Variants in FRMD4A observed in about 807,000 individuals in gnomAD.
The protein encoded by FRMD4A is FERM domain-containing protein 4A.
In FRMD4A, 29 loss-of-function variants were observed where a neutral mutation model predicts 129.1. The ratio of observed to expected loss-of-function variants is 0.22; its 90% CI spans 0.17 to 0.31. The LOEUF (loss-of-function observed/expected upper bound fraction) is 0.31, where lower values mean the gene tolerates loss of function less well. Ranked by LOEUF, FRMD4A falls within the 10% of genes least tolerant of loss-of-function variation. FRMD4A has a pLI of 1.00. For synonymous variants in FRMD4A, 634 were observed against 571.6 expected, an observed-to-expected ratio of 1.11 and a Z score of -1.56; for missense variants, 1,272 against 1,375.8, an observed-to-expected ratio of 0.92 and a Z score of 1.19.
intron 3 of FRMD4A, among the ~76,000 whole-genome samples, chr10:13,842,117 C>G (rs758201945): frequency 5.3e-5 from 8 of 152,138 alleles, no homozygotes; most frequent in Non-Finnish European, 1.0e-4. Flanking sequence ...CTGAATGATT[C>G]CAAACACTTG....
chr10:13,902,785 A>G (rs2094835781), intron 2 of FRMD4A, among the ~76,000 whole-genome samples: 1 of 150,160 alleles, frequency 6.7e-6, no homozygotes, highest in African/African-American at 2.5e-5. Flanking sequence ...GATTGCAGTG[A>G]GCCAAGATCA....
intron 2 of FRMD4A, among the ~76,000 whole-genome samples, chr10:14,254,320 T>A (rs1465379898): frequency 6.6e-6 from 1 of 152,246 alleles, no homozygotes; most frequent in Non-Finnish European, 1.5e-5. Context: ...GGATGATATG[T>A]CAGGTTCTCT....
intron 2 of FRMD4A, among the ~76,000 whole-genome samples, chr10:14,275,869 T>C (rs937095623): frequency 1.3e-5 from 2 of 152,068 alleles, no homozygotes; most frequent in East Asian, 1.9e-4. Context: ...CAAGACCCCA[T>C]CTCTACAAAA....
At chr10:14,000,922 A>G (rs2095640660) in intron 2 of FRMD4A, among the ~76,000 whole-genome samples, 1 of 152,202 alleles carries the variant, frequency 6.6e-6, no homozygotes, top group South Asian at 2.1e-4. Flanking sequence ...TGTGCTGGAC[A>G]CTGCATAGGA....
chr10:14,051,790 C>G (rs7913916), intron 2 of FRMD4A, among the ~76,000 whole-genome samples: 7,594 of 152,218 alleles, frequency 0.05, 312 homozygotes, highest in East Asian at 0.13. Context: ...AGCGTCTCTT[C>G]AGGAAAGGGC....
intron 8 of FRMD4A, among the ~76,000 whole-genome samples, chr10:13,750,087 A>C: frequency 1.0e-5 from 1 of 96,374 alleles, no homozygotes; most frequent in African/African-American, 3.7e-5. Flanking sequence ...AAAGAAAGAA[A>C]GAAAGAAAGA....
At chr10:13,884,239 C>CACAT (rs2094592625) in intron 2 of FRMD4A, among the ~76,000 whole-genome samples, 3 of 149,232 alleles carry the variant, frequency 2.0e-5, no homozygotes, top group Non-Finnish European at 3.0e-5. Context: ...CACACACACA[C>CACAT]ACTCCCTAAA....
intron 4 of FRMD4A, among the ~76,000 whole-genome samples, chr10:13,799,033 C>T (rs565430462): frequency 3.3e-5 from 5 of 152,182 alleles, no homozygotes; most frequent in South Asian, 2.1e-4. Flanking sequence ...CACCACACAC[C>T]GGGTGGGATG....
intron 12 of FRMD4A, among the ~76,000 whole-genome samples, chr10:13,708,236 T>G (rs928916830): frequency 2.0e-5 from 3 of 152,188 alleles, no homozygotes; most frequent in African/African-American, 7.2e-5. Flanking sequence ...GACCTCAGGC[T>G]CCTGACCCTC....
At chr10:14,322,485 G>A (rs1843100511) in intron 2 of FRMD4A, among the ~76,000 whole-genome samples, 1 of 152,234 alleles carries the variant, frequency 6.6e-6, no homozygotes, top group South Asian at 2.1e-4. Flanking sequence ...CAAGGCCTGA[G>A]TGAAAGACAT....
At chr10:13,670,589 T>C in intron 16 of FRMD4A, 61 bp from the exon 17 acceptor site, 1 of 1,576,162 alleles carries the variant, frequency 6.3e-7, no homozygotes, top group Admixed American at 1.7e-5. Context: ...GTCTGCTTCC[T>C]AGAACACACA....
chr10:13,684,242 G>A, intron 15 of FRMD4A: 1 of 757,550 alleles, frequency 1.3e-6, no homozygotes, highest in Non-Finnish European at 1.6e-6. Flanking sequence ...CTAATAATCT[G>A]GCCAACGAGG....
chr10:13,683,230 C>A (rs1326210), intron 15 of FRMD4A, among the ~76,000 whole-genome samples: 14,778 of 152,158 alleles, frequency 0.097, 1,232 homozygotes, highest in African/African-American at 0.22. Flanking sequence ...GTGGGAGAGA[C>A]ACGAACAGCA....
At chr10:13,858,821 C>G (rs202198251) in intron 3 of FRMD4A, 26 bp downstream of exon 3, 8 of 1,417,808 alleles carry the variant, frequency 5.6e-6, no homozygotes, top group Admixed American at 1.7e-5. Flanking sequence ...CAAAGAAACT[C>G]AGAAAGTTGA....
chr10:13,865,236 T>C (rs10906522), intron 2 of FRMD4A, among the ~76,000 whole-genome samples: 79,718 of 151,912 alleles, frequency 0.52, 20,924 homozygotes, highest in East Asian at 0.64. Flanking sequence ...AATTAAGTAA[T>C]GTTTGGAAAT....
At chr10:13,802,130 T>C (rs74344667) in intron 4 of FRMD4A, among the ~76,000 whole-genome samples, 2,854 of 152,082 alleles carry the variant, frequency 0.019, 46 homozygotes, top group South Asian at 0.038. Flanking sequence ...TAGGTCAAAC[T>C]GTCAGGTCAG....
At chr10:14,167,284 C>A (rs1195986942) in intron 2 of FRMD4A, among the ~76,000 whole-genome samples, 9 of 152,008 alleles carry the variant, frequency 5.9e-5, no homozygotes, top group African/African-American at 2.2e-4. Flanking sequence ...GTAATCCCAG[C>A]AGTTTGGGAG....
chr10:14,327,409 G>C (rs114011013), intron 2 of FRMD4A, among the ~76,000 whole-genome samples: 331 of 152,332 alleles, frequency 2.2e-3, no homozygotes, highest in Middle Eastern at 0.017. Flanking sequence ...GTTTCTTAGA[G>C]ATCTTAAATT....
chr10:14,219,784 G>A (rs1843188143), intron 2 of FRMD4A, among the ~76,000 whole-genome samples: 2 of 152,122 alleles, frequency 1.3e-5, no homozygotes, highest in Non-Finnish European at 2.9e-5. Context: ...ACTCATTTAG[G>A]GAACATAGTC....
Sources: gnomAD v4.1 joint callset for allele counts (sites outside exome capture counted in the v4.1 genomes callset) on GRCh38, gnomAD v4.1.1 for gene constraint, MANE v1.5 for transcripts, NCBI Gene and HGNC (gene_info 2026-07-23, HGNC 2026-07-21) for gene names.